Variants in PDE1A observed in about 807,000 individuals in gnomAD.
PDE1A encodes phosphodiesterase 1A.
PDE1A carries 35 observed loss-of-function variants against 61.7 expected under a neutral mutation model. The observed-to-expected ratio is 0.57, with a 90% CI of 0.43 to 0.75. PDE1A has a LOEUF of 0.75. Among genes scored for constraint, PDE1A ranks in the 30% least tolerant of loss-of-function variants. PDE1A has a pLI of 0.00. For synonymous variants in PDE1A, 232 were observed against 213.2 expected, an observed-to-expected ratio of 1.09 and a Z score of -0.77; for missense variants, 597 against 630.6, an observed-to-expected ratio of 0.95 and a Z score of 0.57.
intron 1 of PDE1A, among the ~76,000 whole-genome samples, chr2:182,380,545 A>G (rs1000902270): frequency 9.9e-5 from 15 of 152,206 alleles, no homozygotes; most frequent in Admixed American, 9.2e-4. Context: ...TGCTAATTTT[A>G]TAACAAATAA....
At chr2:182,386,498 C>T (rs998053038) in intron 1 of PDE1A, among the ~76,000 whole-genome samples, 1 of 151,096 alleles carries the variant, frequency 6.6e-6, no homozygotes, top group Non-Finnish European at 1.5e-5. Context: ...CCGGCCGCGA[C>T]CCCATCTGGG....
At chr2:182,330,973 G>A (rs1371888910) in intron 1 of PDE1A, among the ~76,000 whole-genome samples, 1 of 152,128 alleles carries the variant, frequency 6.6e-6, no homozygotes, top group Non-Finnish European at 1.5e-5. Context: ...TAAGTGGCTA[G>A]TTTCCAGACA....
the PDE1A span, among the ~76,000 whole-genome samples, chr2:182,618,434 T>C: frequency 1.3e-5 from 2 of 152,288 alleles, no homozygotes; most frequent in East Asian, 3.9e-4. Context: ...CTCGTTATAG[T>C]ATCTTTTGGT....
intron 1 of PDE1A, among the ~76,000 whole-genome samples, chr2:182,328,863 A>G (rs1312357922): frequency 6.6e-6 from 1 of 152,162 alleles, no homozygotes; most frequent in East Asian, 1.9e-4. Context: ...ACATTGAAGA[A>G]TGGTGTTGGA....
intron 4 of PDE1A, among the ~76,000 whole-genome samples, chr2:182,231,828 T>C (rs2125647401): frequency 6.6e-6 from 1 of 152,116 alleles, no homozygotes; most frequent in South Asian, 2.1e-4. Context: ...GGCAGGAGAA[T>C]CGCTTGAACC....
At chr2:182,201,935 C>A in intron 8 of PDE1A, 146 bp from the exon 9 acceptor site, 1 of 605,690 alleles carries the variant, frequency 1.7e-6, no homozygotes, top group East Asian at 2.8e-5. Context: ...TGAAAGTCCA[C>A]ACACAAGTTT....
At chr2:182,667,191 A>C in the PDE1A span, among the ~76,000 whole-genome samples, 1 of 152,222 alleles carries the variant, frequency 6.6e-6, no homozygotes, top group African/African-American at 2.4e-5. Flanking sequence ...GCAGCTTTTT[A>C]GTAGGCTGCT....
chr2:182,488,225 G>T (rs1688146701), intron 2 of PDE1A, among the ~76,000 whole-genome samples: 2 of 152,072 alleles, frequency 1.3e-5, no homozygotes, highest in South Asian at 4.1e-4. Flanking sequence ...TTTGTAATCT[G>T]TCAATATTAA....
intron 2 of PDE1A, among the ~76,000 whole-genome samples, chr2:182,502,940 G>A (rs1689170213): frequency 6.6e-6 from 1 of 151,868 alleles, no homozygotes; most frequent in Admixed American, 6.6e-5. Context: ...TTGTGAATTT[G>A]GTTCACATCT....
intron 1 of PDE1A, among the ~76,000 whole-genome samples, chr2:182,346,711 A>G (rs1252345976): frequency 6.6e-6 from 1 of 152,172 alleles, no homozygotes; most frequent in Non-Finnish European, 1.5e-5. Flanking sequence ...ATCTATGCAC[A>G]TACAGATGAA....
the PDE1A span, among the ~76,000 whole-genome samples, chr2:182,615,388 G>A: frequency 2.6e-5 from 4 of 152,138 alleles, no homozygotes; most frequent in East Asian, 7.7e-4. Context: ...AAAAAAAAGT[G>A]GTAGTTATTT....
At chr2:182,673,989 CATATATAT>C in the PDE1A span, among the ~76,000 whole-genome samples, 23 of 135,262 alleles carry the variant, frequency 1.7e-4, no homozygotes, top group African/African-American at 5.1e-4. Context: ...AATATAACTT[CATATATAT>C]ATATATATAT....
chr2:182,189,143 A>C, intron 10 of PDE1A, 83 bp from the exon 11 acceptor site: 1 of 750,436 alleles, frequency 1.3e-6, no homozygotes, highest in Non-Finnish European at 2.2e-6. Context: ...AGCCTAGAAA[A>C]GCCACATCTT....
At chr2:182,181,200 C>T (rs963241224) in intron 13 of PDE1A, among the ~76,000 whole-genome samples, 1 of 152,112 alleles carries the variant, frequency 6.6e-6, no homozygotes, top group Non-Finnish European at 1.5e-5. Flanking sequence ...CGTTTTTGCA[C>T]TGTTTCTTCC....
At chr2:182,516,765 G>T (rs1004693616) in intron 2 of PDE1A, among the ~76,000 whole-genome samples, 1 of 120,606 alleles carries the variant, frequency 8.3e-6, no homozygotes, top group African/African-American at 3.0e-5. Context: ...GAAAGAAAAA[G>T]AAAGAAAGAA....
At chr2:182,466,697 CT>C (rs747233614) in intron 2 of PDE1A, among the ~76,000 whole-genome samples, 3 of 151,980 alleles carry the variant, frequency 2.0e-5, no homozygotes, top group Non-Finnish European at 4.4e-5. Flanking sequence ...AGGGGTGTTA[CT>C]CGTATTCATC....
intron 1 of PDE1A, among the ~76,000 whole-genome samples, chr2:182,384,926 AAAG>A (rs1283363373): frequency 6.6e-6 from 1 of 152,146 alleles, no homozygotes; most frequent in Non-Finnish European, 1.5e-5. Flanking sequence ...CAGCAAGAGA[AAAG>A]AAGGAAATAG....
chr2:182,681,589 AAAC>A, the PDE1A span, among the ~76,000 whole-genome samples: 1 of 152,028 alleles, frequency 6.6e-6, no homozygotes, highest in Non-Finnish European at 1.5e-5. Flanking sequence ...AAAAAAAAAA[AAAC>A]AGTTATTCAG....
the PDE1A span, among the ~76,000 whole-genome samples, chr2:182,663,439 G>A: frequency 1.3e-5 from 2 of 152,066 alleles, no homozygotes; most frequent in African/African-American, 2.4e-5. Context: ...CCTATCTATG[G>A]TAAACTGGAT....
Sources: gnomAD v4.1 joint callset for allele counts (sites outside exome capture counted in the v4.1 genomes callset) on GRCh38, gnomAD v4.1.1 for gene constraint, MANE v1.5 for transcripts, NCBI Gene and HGNC (gene_info 2026-07-23, HGNC 2026-07-21) for gene names.